The following EVL variants were observed in gnomAD, a reference collection of about 807,000 sequenced individuals.
EVL encodes ena/VASP-like protein.
A neutral mutation model predicts 59.6 loss-of-function variants in EVL; 21 were observed. The ratio of observed to expected loss-of-function variants is 0.35; its 90% confidence interval spans 0.25 to 0.51. EVL has a LOEUF of 0.51. Ranked by LOEUF, EVL falls within the 20% of genes least tolerant of loss-of-function variation. The pLI is 0.97. For synonymous variants in EVL, 198 were observed against 203.5 expected (o/e 0.97, Z 0.23); for missense variants, 462 against 546.6 (o/e 0.85, Z 1.54).
chr14:100,123,704 G>A, intron 4 of EVL, 102 bp downstream of exon 4: 1 of 1,199,668 alleles, frequency 8.3e-7, no homozygotes, highest in East Asian at 2.5e-5. Flanking sequence ...CCAAGGCCAG[G>A]ACTCCTAGAG....
chr14:99,975,852 T>G (rs1355734887), intron 1 of EVL, among the ~76,000 whole-genome samples: 2 of 152,160 alleles, frequency 1.3e-5, no homozygotes, highest in Non-Finnish European at 2.9e-5. Flanking sequence ...ATATCTTCTA[T>G]GTCTCTTAAC....
chr14:100,118,658 A>G (rs955079602), intron 3 of EVL, among the ~76,000 whole-genome samples: 1 of 152,120 alleles, frequency 6.6e-6, no homozygotes, highest in Admixed American at 6.6e-5. Context: ...TCAGTCATAT[A>G]GACTCTGCCC....
intron 9 of EVL, 38 bp from the exon 10 acceptor site, chr14:100,137,540 C>T (rs750858263): frequency 2.5e-6 from 4 of 1,609,778 alleles, no homozygotes; most frequent in Admixed American, 1.7e-5. Context: ...TGAGTCCCTT[C>T]ACCTGTGAGG....
chr14:100,118,660 ACT>A (rs1383279882), intron 3 of EVL, among the ~76,000 whole-genome samples: 1 of 151,436 alleles, frequency 6.6e-6, no homozygotes, highest in Non-Finnish European at 1.5e-5. Flanking sequence ...AGTCATATAG[ACT>A]CTGCCCTGAG....
intron 1 of EVL, among the ~76,000 whole-genome samples, chr14:100,038,413 C>T (rs543191714): frequency 6.3e-4 from 96 of 152,216 alleles, no homozygotes; most frequent in Non-Finnish European, 1.1e-3. Context: ...AGAGCAGAAG[C>T]GATGGACTCA....
intron 1 of EVL, among the ~76,000 whole-genome samples, chr14:100,048,277 A>G (rs555935673): frequency 2.0e-5 from 3 of 152,388 alleles, no homozygotes; most frequent in Non-Finnish European, 4.4e-5. Flanking sequence ...TTTGGAATAT[A>G]TAAAGAACTC....
At chr14:100,043,552 G>T (rs552089038) in intron 1 of EVL, among the ~76,000 whole-genome samples, 3 of 151,830 alleles carry the variant, frequency 2.0e-5, no homozygotes, top group East Asian at 1.9e-4. Flanking sequence ...CCCAGGGGCA[G>T]GAGAAGAAGT....
intron 1 of EVL, among the ~76,000 whole-genome samples, chr14:99,978,969 A>T (rs1191022): frequency 0.36 from 55,066 of 152,088 alleles, 13,945 homozygotes; most frequent in African/African-American, 0.72. Flanking sequence ...ATTCAAATAA[A>T]GAAGTCTAAG....
Position 99,972,286 on chromosome 14 carries a change from G to T in EVL, c.5+229G>T, listed in dbSNP as rs1179736450. Among the ~76,000 whole-genome samples the T allele has an allele frequency of 6.6e-6, 1 of 152,114 alleles. No homozygotes were observed. Among genetic ancestry groups the T allele is most frequent in the African/African-American group, 2.4e-5 (1 of 41,430 alleles). On this transcript the variant is annotated intron_variant, in intron 1 of 13. Coordinates refer to the EVL transcript ENST00000402714. The surrounding 1 kb of genome is among the most constrained non-coding windows in gnomAD (Gnocchi z 4.4). The stretch of plus-strand genomic sequence containing the variant: ...CGGGAGGGTCTGCAGGGCTTGTGGG[G>T]GGCAGTGTTCTGCAAGGGGCAGGCG...
upstream of EVL, among the ~76,000 whole-genome samples, chr14:100,061,129 G>A (rs111330392): frequency 0.013 from 2,007 of 152,154 alleles, 39 homozygotes; most frequent in African/African-American, 0.045. Context: ...GGTGGCTCAC[G>A]CCTGTAATCC....
chr14:100,126,758 A>C lies in EVL; in HGVS notation c.474A>C (p.Arg158Ser). Residue 158 changes from arginine (R) to serine (S), a missense_variant, in exon 5 of 14, where the codon AGA (arginine) becomes AGC (serine). Arg to Ser is a moderately radical substitution (Grantham distance 110). Transcript: ENST00000392920. ...AGCGTCAGGAATCTCTAGAAAGAAG[A>C]ACCTCGGCCACAGGTGAGAGCCCTC... ...QQQRQESLER[R>S]TSATGPILPP... The C allele has an allele frequency of 6.2e-7, 1 of 1,613,980 alleles. No homozygotes were observed. The highest frequency in any genetic ancestry group is 2.2e-5 in the East Asian group (1 of 44,880).
chr14:100,087,894 C>T (rs1000772519), intron 2 of EVL, among the ~76,000 whole-genome samples: 1 of 151,962 alleles, frequency 6.6e-6, no homozygotes, highest in African/African-American at 2.4e-5. Flanking sequence ...GATCTGAAAG[C>T]GGGATAATAT....
chr14:99,983,972 T>A (rs553981864), intron 1 of EVL, among the ~76,000 whole-genome samples: 1 of 152,338 alleles, frequency 6.6e-6, no homozygotes, highest in South Asian at 2.1e-4. Flanking sequence ...ATGCTTGTTT[T>A]GATCTCTGCT....
chr14:100,126,132 G>A (rs1888056459), intron 4 of EVL, among the ~76,000 whole-genome samples: 1 of 152,214 alleles, frequency 6.6e-6, no homozygotes, highest in African/African-American at 2.4e-5. Context: ...AGAGCACCCT[G>A]AGGCCACCCT....
At chr14:100,048,499 C>G (rs1019258986) in intron 1 of EVL, among the ~76,000 whole-genome samples, 1 of 152,178 alleles carries the variant, frequency 6.6e-6, no homozygotes, top group African/African-American at 2.4e-5. Flanking sequence ...GGGTGCAGAG[C>G]AGCAACTCTC....
intron 1 of EVL, among the ~76,000 whole-genome samples, chr14:100,027,662 C>T (rs963130386): frequency 5.9e-5 from 9 of 151,586 alleles, no homozygotes; most frequent in African/African-American, 1.2e-4. Flanking sequence ...TGTTGTTGGA[C>T]GCTTAGGTTG....
intron 5 of EVL, 82 bp downstream of exon 5, chr14:100,126,853 C>G: frequency 7.2e-7 from 1 of 1,380,470 alleles, no homozygotes; most frequent in Non-Finnish European, 1.0e-6. Context: ...CCCAGGGACA[C>G]ACGGGGCGCT....
At chr14:100,129,979 G>C (rs1888327909) in intron 7 of EVL, among the ~76,000 whole-genome samples, 1 of 152,222 alleles carries the variant, frequency 6.6e-6, no homozygotes, top group African/African-American at 2.4e-5. Flanking sequence ...CAATTTCAGA[G>C]ATAAATGCGG....
chr14:100,119,477 C>T (rs80100114), intron 3 of EVL, among the ~76,000 whole-genome samples: 10,617 of 152,168 alleles, frequency 0.07, 674 homozygotes, highest in East Asian at 0.37. Flanking sequence ...CTTCAGGGGG[C>T]CGTGGTGGAA....
Sources: gnomAD v4.1 joint callset for allele counts (sites outside exome capture counted in the v4.1 genomes callset) on GRCh38, gnomAD v4.1.1 for gene constraint, Gnocchi (gnomAD v3.1) non-coding constraint, MANE v1.5 for transcripts, NCBI Gene and HGNC (gene_info 2026-07-23, HGNC 2026-07-21) for gene names.